The following CDYL variants were observed in gnomAD, a reference collection of about 807,000 sequenced individuals.
CDYL encodes the protein chromodomain Y-like protein.
CDYL carries 8 observed loss-of-function variants against 47.3 expected under a neutral mutation model. That is an observed-to-expected ratio of 0.17 (90% confidence interval 0.10 to 0.31). The LOEUF (loss-of-function observed/expected upper bound fraction) is 0.31, where lower values mean the gene tolerates loss of function less well. CDYL is among the 10% of genes least tolerant of loss of function. CDYL has a pLI of 1.00. For synonymous variants in CDYL, 266 were observed against 265.0 expected (o/e 1.00, Z -0.04); for missense variants, 471 against 701.4 (o/e 0.67, Z 3.71).
intron 1 of CDYL, among the ~76,000 whole-genome samples, chr6:4,806,206 A>G (rs149281173): frequency 6.6e-6 from 1 of 152,316 alleles, no homozygotes; most frequent in Non-Finnish European, 1.5e-5. Flanking sequence ...CACATGCTGG[A>G]GAAGAAAAGG....
chr6:4,859,953 G>C (rs1761115801), intron 1 of CDYL, among the ~76,000 whole-genome samples: 2 of 150,852 alleles, frequency 1.3e-5, no homozygotes, highest in Admixed American at 6.6e-5. Context: ...CCAGGCTGGA[G>C]TGCAGTGGCG....
chr6:4,796,976 G>C (rs963768350), intron 1 of CDYL, among the ~76,000 whole-genome samples: 3 of 152,138 alleles, frequency 2.0e-5, no homozygotes, highest in Non-Finnish European at 4.4e-5. Context: ...CAGATTCTGT[G>C]TCTGACCTTG....
intron 1 of CDYL, among the ~76,000 whole-genome samples, chr6:4,842,012 T>C (rs1280802831): frequency 6.9e-6 from 1 of 145,532 alleles, no homozygotes; most frequent in Non-Finnish European, 1.5e-5. Context: ...AAATTAATTA[T>C]ATTTGTATTA....
At chr6:4,765,247 C>T (rs7750308) in intron 3 of CDYL, among the ~76,000 whole-genome samples, 26,738 of 151,784 alleles carry the variant, frequency 0.18, 3,253 homozygotes, top group African/African-American at 0.34. Flanking sequence ...CACTTGAACC[C>T]GGGAGGCAGA....
chr6:4,830,663 G>A (rs969385118), intron 1 of CDYL, among the ~76,000 whole-genome samples: 1 of 151,678 alleles, frequency 6.6e-6, no homozygotes, highest in Non-Finnish European at 1.5e-5. Flanking sequence ...GCAGGTTAGT[G>A]ACATATGTAT....
At chr6:4,833,644 T>C (rs9504265) in intron 1 of CDYL, among the ~76,000 whole-genome samples, 50,185 of 147,444 alleles carry the variant, frequency 0.34, 11,221 homozygotes, top group African/African-American at 0.65. Flanking sequence ...CTTTCTGTCT[T>C]GTTGATCTGT....
intron 1 of CDYL, among the ~76,000 whole-genome samples, chr6:4,816,232 C>T (rs903436413): frequency 5.3e-5 from 8 of 150,998 alleles, no homozygotes; most frequent in South Asian, 2.1e-4. Context: ...GCATCAAGCA[C>T]GCAAATCTCT....
chr6:4,732,865 A>G (rs1031018133), intron 2 of CDYL, among the ~76,000 whole-genome samples: 1 of 152,194 alleles, frequency 6.6e-6, no homozygotes, highest in South Asian at 2.1e-4. Flanking sequence ...TAGATGGAGT[A>G]TTTGGCTGAA....
chr6:4,948,175 C>T (rs1758587488), intron 5 of CDYL, among the ~76,000 whole-genome samples: 1 of 152,140 alleles, frequency 6.6e-6, no homozygotes. Flanking sequence ...AGTTATTTAT[C>T]CAAAGGAGGT....
intron 3 of CDYL, among the ~76,000 whole-genome samples, chr6:4,765,619 A>AGT (rs1758240855): frequency 6.6e-6 from 1 of 150,940 alleles, no homozygotes; most frequent in Non-Finnish European, 1.5e-5. Flanking sequence ...GCTGGAGTGC[A>AGT]GTGGCACAAT....
chr6:4,733,823 C>A (rs1372421579), intron 2 of CDYL, among the ~76,000 whole-genome samples: 2 of 147,220 alleles, frequency 1.4e-5, no homozygotes, highest in Non-Finnish European at 3.0e-5. Flanking sequence ...TCTGCAGTTT[C>A]TTTTTCTTTT....
At chr6:4,724,357 C>A (rs1757445457) in intron 2 of CDYL, 1 of 152,232 alleles carries the variant, frequency 6.6e-6, no homozygotes, top group African/African-American at 2.4e-5. Context: ...AGCCTGTCCC[C>A]TCTTTATAAT....
chr6:4,947,142 G>C (rs1758547759), intron 5 of CDYL, among the ~76,000 whole-genome samples: 1 of 152,250 alleles, frequency 6.6e-6, no homozygotes, highest in African/African-American at 2.4e-5. Flanking sequence ...CCGTTTCAGG[G>C]AAGAGGCGAG....
At chr6:4,841,917 A>G (rs1163852255) in intron 1 of CDYL, among the ~76,000 whole-genome samples, 2 of 149,122 alleles carry the variant, frequency 1.3e-5, no homozygotes, top group Non-Finnish European at 3.0e-5. Context: ...TCCTTTTGTT[A>G]TAAGTTATAG....
chr6:4,932,117 T>A (rs1051967231), intron 2 of CDYL, among the ~76,000 whole-genome samples: 1 of 152,196 alleles, frequency 6.6e-6, no homozygotes, highest in African/African-American at 2.4e-5. Context: ...AGAGTGGACC[T>A]GAAGCCAGCC....
intron 2 of CDYL, among the ~76,000 whole-genome samples, chr6:4,716,401 T>C (rs1757264782): frequency 6.6e-6 from 1 of 152,068 alleles, no homozygotes; most frequent in Non-Finnish European, 1.5e-5. Flanking sequence ...CCTATCTGGC[T>C]TCCCTAAATA....
chr6:4,791,647 T>C (rs951557640), intron 1 of CDYL, among the ~76,000 whole-genome samples: 3 of 151,880 alleles, frequency 2.0e-5, no homozygotes, highest in Non-Finnish European at 4.4e-5. Flanking sequence ...ATTACCTTAG[T>C]GTGGGACGTA....
rs115578633 is a variant in CDYL at position 4,760,745 on chromosome 6, C to G, written c.186+25901C>G. Among the ~76,000 whole-genome samples, 808 of 152,074 alleles carry G rather than the reference C, an allele frequency of 5.3e-3. 5 individuals carry two copies. Among genetic ancestry groups the G allele is most frequent in the African/African-American group, 0.019 (780 of 41,484 alleles). ...GGAAAATACTTGGTTAAAACAATTG[C>G]AGTAGAAAGGGAGAAATCTGGGCTT... On this transcript the variant is annotated intron_variant, in intron 3 of 8. Transcript: ENST00000328908.
chr6:4,922,172 G>A (rs1757735008), intron 2 of CDYL, among the ~76,000 whole-genome samples: 1 of 152,128 alleles, frequency 6.6e-6, no homozygotes, highest in Non-Finnish European at 1.5e-5. Flanking sequence ...GGGGATTATG[G>A]CTTGGGGGTT....
Sources: allele counts gnomAD v4.1 joint callset (sites outside exome capture counted in the v4.1 genomes callset), GRCh38; gene constraint gnomAD v4.1.1; transcripts MANE v1.5; gene names NCBI Gene and HGNC (gene_info 2026-07-23, HGNC 2026-07-21).